Variants in VWF observed in about 807,000 individuals in gnomAD.
VWF encodes the protein von Willebrand factor.
A neutral mutation model predicts 308.6 loss-of-function variants in VWF; 176 were observed. That is an observed-to-expected ratio of 0.57 (90% CI 0.50 to 0.65). The LOEUF is 0.65. Ranked by LOEUF, VWF falls within the 30% of genes least tolerant of loss-of-function variation. The pLI, the probability that VWF is intolerant of heterozygous loss-of-function variation, is 0.00. For missense variants in VWF, 3,146 were observed against 3,648.2 expected (o/e 0.86, Z 3.55); for synonymous variants, 1,385 against 1,443.4 (o/e 0.96, Z 0.92).
intron 31 of VWF, 32 bp downstream of exon 31, chr12:6,016,057 C>T (rs1218691446): frequency 6.2e-7 from 1 of 1,613,848 alleles, no homozygotes; most frequent in South Asian, 1.1e-5. Flanking sequence ...GTCTCGCTCT[C>T]CTGAATTGAG....
At chr12:6,104,385 T>TAA (rs750869356) in intron 5 of VWF, among the ~76,000 whole-genome samples, 2 of 142,020 alleles carry the variant, frequency 1.4e-5, no homozygotes, top group Non-Finnish European at 3.1e-5. Context: ...CAAAGAACTT[T>TAA]AAAAAAAAAA....
intron 35 of VWF, among the ~76,000 whole-genome samples, chr12:5,995,332 TTTTGA>T (rs2136386913): frequency 6.6e-6 from 1 of 152,328 alleles, no homozygotes; most frequent in African/African-American, 2.4e-5. Flanking sequence ...TTTTTTATCA[TTTTGA>T]TTTTTTAATT....
chr12:5,992,864 G>C (rs1943761340), intron 37 of VWF, among the ~76,000 whole-genome samples: 2 of 152,230 alleles, frequency 1.3e-5, no homozygotes, highest in Admixed American at 1.3e-4. Context: ...AGTATGCAGA[G>C]AAAGTGCTTC....
chr12:6,071,279 G>A lies in VWF; in HGVS notation c.1156+18C>T, dbSNP rs1944777714. ...CGATTCAGGGAAGGAGGAAGAGAAT[G>A]AGCGGCAGGTCGCCTACCTGGACAT... On this transcript the variant is annotated intron_variant, in intron 10 of 51. Coordinates refer to ENST00000261405, the MANE Select transcript of VWF (RefSeq NM_000552.5). 1 of 1,613,876 alleles carries A rather than the reference G, an allele frequency of 6.2e-7. No homozygotes were observed. Among genetic ancestry groups the A allele is most frequent in the African/African-American group, 1.3e-5 (1 of 74,948 alleles).
intron 42 of VWF, among the ~76,000 whole-genome samples, chr12:5,980,136 A>AGTGAGGG (rs1943585252): frequency 1.8e-5 from 2 of 108,168 alleles, no homozygotes; most frequent in Admixed American, 9.6e-5. Context: ...GGAAGGAAGG[A>AGTGAGGG]AGAAAGGAGT....
intron 31 of VWF, among the ~76,000 whole-genome samples, chr12:6,014,642 CAG>C (rs1489544307): frequency 1.3e-5 from 2 of 152,178 alleles, no homozygotes; most frequent in Non-Finnish European, 2.9e-5. Flanking sequence ...ATAAGAAAGA[CAG>C]ATGTGAAAAT....
intron 3 of VWF, among the ~76,000 whole-genome samples, chr12:6,119,174 A>G (rs1237613002): frequency 6.6e-6 from 1 of 152,174 alleles, no homozygotes; most frequent in African/African-American, 2.4e-5. Flanking sequence ...CCAAGACCCT[A>G]CACTGCAGCT....
At chr12:6,051,672 C>T (rs1245155154) in intron 16 of VWF, among the ~76,000 whole-genome samples, 3 of 152,108 alleles carry the variant, frequency 2.0e-5, no homozygotes, top group South Asian at 4.1e-4. Flanking sequence ...TGCAGTGGCG[C>T]GATCACAGTT....
chr12:6,094,532 C>T (rs970528258), intron 6 of VWF, among the ~76,000 whole-genome samples: 1 of 151,898 alleles, frequency 6.6e-6, no homozygotes, highest in South Asian at 2.1e-4. Flanking sequence ...AGCATAGTTA[C>T]TTATTGCTAT....
At chr12:6,023,218 G>A (rs796988839) in intron 25 of VWF, among the ~76,000 whole-genome samples, 18 of 152,200 alleles carry the variant, frequency 1.2e-4, no homozygotes, top group African/African-American at 3.6e-4. Context: ...CACTGTGCCC[G>A]GCCCAGTTTT....
intron 22 of VWF, among the ~76,000 whole-genome samples, chr12:6,027,074 G>T (rs1944202456): frequency 6.6e-6 from 1 of 152,190 alleles, no homozygotes; most frequent in Admixed American, 6.5e-5. Flanking sequence ...TACAAGGGGT[G>T]TAAGTCACCA....
At chr12:6,037,991 TG>T (rs142777730) in intron 18 of VWF, among the ~76,000 whole-genome samples, 1 of 152,346 alleles carries the variant, frequency 6.6e-6, no homozygotes, top group Non-Finnish European at 1.5e-5. Context: ...CCCGCATCTC[TG>T]GAAGCCCAGC....
chr12:6,044,339 C>T lies in VWF; in HGVS notation c.2394G>A (p.Glu798=). The T allele has an allele frequency of 6.2e-7, 1 of 1,614,234 alleles. No homozygotes were observed. The highest frequency in any genetic ancestry group is 8.5e-7 in the Non-Finnish European group (1 of 1,180,048). ...CTKTCQNYDL[E]CMSMGCVSGC... is the part of the protein sequence containing the mutation. ...CAGAGACACAGCCCATGCTCATGCA[C>T]TCCAGGTCATAGTTCTGGCACGTTT... Residue 798 remains glutamate (E), a synonymous_variant, in exon 18 of 52, where the codon GAG becomes GAA. Transcript: ENST00000261405.
At chr12:5,996,750 CAAAAAAAAA>C (rs61616182) in intron 34 of VWF, among the ~76,000 whole-genome samples, 287 of 60,488 alleles carry the variant, frequency 4.7e-3, no homozygotes, top group African/African-American at 0.013. Context: ...TTTCCAGAGC[CAAAAAAAAA>C]AAAAAAAAAA....
intron 34 of VWF, among the ~76,000 whole-genome samples, chr12:6,008,232 A>G (rs1943951659): frequency 6.6e-6 from 1 of 152,174 alleles, no homozygotes; most frequent in African/African-American, 2.4e-5. Context: ...AAAAACTACA[A>G]GTCAATATTC....
chr12:6,049,222 G>A (rs1008756500), intron 16 of VWF, among the ~76,000 whole-genome samples: 24 of 152,280 alleles, frequency 1.6e-4, no homozygotes, highest in Admixed American at 5.2e-4. Context: ...CACAGGCCCC[G>A]AGGTCCTTCC....
Position 6,058,137 on chromosome 12 carries a change from AG to A in VWF, c.1534-94del. On this transcript the variant is annotated intron_variant, in intron 13 of 51. Transcript: ENST00000261405. The surrounding 1 kb of genome is among the most constrained non-coding windows in gnomAD (Gnocchi z 4.9). ...GAGATGGTTTTAATAAAAAAAAAAA[AG>A]TTCCCCGGGTGAAACATAAATATGA... is the stretch of plus-strand genomic sequence containing the variant. 1 of 1,357,722 alleles carries A rather than the reference AG, an allele frequency of 7.4e-7. No homozygotes were observed. Among genetic ancestry groups the A allele is most frequent in the African/African-American group, 1.5e-5 (1 of 67,510 alleles). 84.1% of individuals were successfully genotyped at this position (1,357,722 alleles called of 1,614,324 possible). A position where few individuals can be genotyped will look rare whatever the true frequency, so the allele number is the denominator to read the frequency against.
intron 34 of VWF, among the ~76,000 whole-genome samples, chr12:6,010,102 T>C (rs1047682407): frequency 2.0e-5 from 3 of 152,156 alleles, no homozygotes; most frequent in Admixed American, 1.3e-4. Flanking sequence ...CTGGAAAATT[T>C]ATTAATAGGG....
At chr12:6,072,622 C>T (rs7307604) in intron 8 of VWF, among the ~76,000 whole-genome samples, 180 bp from the exon 9 acceptor site, 1 of 152,296 alleles carries the variant, frequency 6.6e-6, no homozygotes, top group East Asian at 1.9e-4. Flanking sequence ...ATCTCCATTA[C>T]TACAGATGAA....
Sources: gnomAD v4.1 joint callset for allele counts (sites outside exome capture counted in the v4.1 genomes callset) on GRCh38, gnomAD v4.1.1 for gene constraint, Gnocchi (gnomAD v3.1) non-coding constraint, MANE v1.5 for transcripts, NCBI Gene and HGNC (gene_info 2026-07-23, HGNC 2026-07-21) for gene names.